The following OPCML variants were observed in gnomAD, a reference collection of about 807,000 sequenced individuals.
OPCML encodes opioid-binding protein/cell adhesion molecule.
OPCML carries 13 observed loss-of-function variants against 37.8 expected under a neutral mutation model. The ratio of observed to expected loss-of-function variants is 0.34; its 90% CI spans 0.22 to 0.55. The LOEUF (loss-of-function observed/expected upper bound fraction) is 0.55, where lower values mean the gene tolerates loss of function less well. Ranked by LOEUF, OPCML falls within the 20% of genes least tolerant of loss-of-function variation. The probability of loss-of-function intolerance (pLI) is 0.91; values close to 1 mark genes in which losing one functional copy is unlikely to be tolerated. For missense variants in OPCML, 341 were observed against 435.6 expected (o/e 0.78, Z 1.93); for synonymous variants, 176 against 168.8 (o/e 1.04, Z -0.33).
chr11:133,304,587 G>C (rs906760066), intron 1 of OPCML, among the ~76,000 whole-genome samples: 1 of 152,164 alleles, frequency 6.6e-6, no homozygotes, highest in Non-Finnish European at 1.5e-5. Context: ...AAGTGCTAAG[G>C]TTACAGACAC....
At chr11:133,297,564 G>GTA (rs1942661738) in intron 1 of OPCML, 1 of 152,204 alleles carries the variant, frequency 6.6e-6, no homozygotes, top group African/African-American at 2.4e-5. Flanking sequence ...TGGAGGTTCT[G>GTA]TAGCTATGTG....
chr11:133,455,301 T>C (rs1195667423), intron 1 of OPCML, among the ~76,000 whole-genome samples: 1 of 152,244 alleles, frequency 6.6e-6, no homozygotes, highest in Non-Finnish European at 1.5e-5. Flanking sequence ...TGTTAATTCT[T>C]TTATTCTTTA....
intron 1 of OPCML, among the ~76,000 whole-genome samples, chr11:133,134,300 G>A (rs564853600): frequency 3.8e-4 from 58 of 152,218 alleles, no homozygotes; most frequent in South Asian, 1.9e-3. Context: ...CTAGGGAAAG[G>A]TGCTCCGAGT....
intron 2 of OPCML, among the ~76,000 whole-genome samples, chr11:132,933,976 G>A (rs1329604577): frequency 6.6e-5 from 10 of 152,098 alleles, no homozygotes; most frequent in Non-Finnish European, 1.5e-4. Context: ...TCCATCACAG[G>A]AGGTTCCAAA....
chr11:133,504,609 G>A (rs1947987723), intron 1 of OPCML, among the ~76,000 whole-genome samples: 1 of 152,190 alleles, frequency 6.6e-6, no homozygotes, highest in Non-Finnish European at 1.5e-5. Flanking sequence ...AGCCACGGGA[G>A]CCCCCAGCTT....
chr11:133,276,887 T>A (rs1942011252), intron 1 of OPCML, among the ~76,000 whole-genome samples: 1 of 152,222 alleles, frequency 6.6e-6, no homozygotes, highest in African/African-American at 2.4e-5. Flanking sequence ...TCCATTTCAA[T>A]GGCCTCACTT....
intron 1 of OPCML, among the ~76,000 whole-genome samples, chr11:133,125,663 TATATA>T (rs1277739084): frequency 1.0e-5 from 1 of 99,978 alleles, no homozygotes; most frequent in African/African-American, 3.1e-5. Context: ...TATATACATG[TATATA>T]GTATAGTATA....
chr11:133,530,508 C>T (rs574851286), intron 1 of OPCML, among the ~76,000 whole-genome samples: 3 of 152,316 alleles, frequency 2.0e-5, no homozygotes, highest in South Asian at 4.1e-4. Flanking sequence ...GACTTGCCTA[C>T]GCAGGAAAGT....
At chr11:132,963,601 A>C (rs940066053) in intron 1 of OPCML, among the ~76,000 whole-genome samples, 2 of 151,776 alleles carry the variant, frequency 1.3e-5, no homozygotes, top group Non-Finnish European at 1.5e-5. Context: ...AAAAAAAAAA[A>C]AAAAAACTGT....
At chr11:133,300,183 G>A (rs1178679893) in intron 1 of OPCML, 2 of 152,296 alleles carry the variant, frequency 1.3e-5, no homozygotes, top group Admixed American at 6.5e-5. Flanking sequence ...GAAGGATCAT[G>A]GAGGTGTAAA....
At chr11:132,919,869 T>C (rs556728618) in intron 2 of OPCML, among the ~76,000 whole-genome samples, 5 of 152,282 alleles carry the variant, frequency 3.3e-5, no homozygotes, top group African/African-American at 1.2e-4. Flanking sequence ...AAAGAATGGA[T>C]AAATAAAAGA....
intron 1 of OPCML, chr11:133,003,969 A>C (rs1947058570): frequency 1.0e-6 from 1 of 985,288 alleles, no homozygotes; most frequent in South Asian, 4.7e-5. Context: ...TGGGCAGCAG[A>C]TCCCTCGAGA....
intron 1 of OPCML, among the ~76,000 whole-genome samples, chr11:133,404,114 C>T (rs753608095): frequency 2.6e-5 from 4 of 152,132 alleles, no homozygotes; most frequent in Non-Finnish European, 5.9e-5. Context: ...CTTGCAGACA[C>T]ATGGCTCCAA....
At chr11:132,863,695 A>G (rs1404747850) in intron 2 of OPCML, among the ~76,000 whole-genome samples, 2 of 152,038 alleles carry the variant, frequency 1.3e-5, no homozygotes, top group Admixed American at 6.5e-5. Context: ...AAATCATCCA[A>G]TTTGCCTTGT....
chr11:133,216,041 C>G (rs543561342), intron 1 of OPCML, among the ~76,000 whole-genome samples: 7 of 152,234 alleles, frequency 4.6e-5, no homozygotes, highest in South Asian at 2.1e-4. Flanking sequence ...CACAGCACAG[C>G]ACACTCAGAG....
chr11:132,909,212 T>C (rs1472001497), intron 2 of OPCML, among the ~76,000 whole-genome samples: 1 of 151,894 alleles, frequency 6.6e-6, no homozygotes, highest in Non-Finnish European at 1.5e-5. Flanking sequence ...TTCTCACACA[T>C]CCACACTTTA....
At chr11:133,290,050 G>T (rs1942433709) in intron 1 of OPCML, among the ~76,000 whole-genome samples, 1 of 152,148 alleles carries the variant, frequency 6.6e-6, no homozygotes, top group Admixed American at 6.5e-5. Flanking sequence ...TTCCTTCCTA[G>T]CCCACTAAGA....
At chr11:133,006,038 A>T in intron 1 of OPCML, 1 of 985,150 alleles carries the variant, frequency 1.0e-6, no homozygotes. Context: ...CTTCGTAGGG[A>T]GAGCCATCCT....
At chr11:132,500,097 C>T (rs542778788) in intron 4 of OPCML, among the ~76,000 whole-genome samples, 102 of 152,280 alleles carry the variant, frequency 6.7e-4, no homozygotes, top group African/African-American at 2.4e-3. Context: ...GTAAGTCTAA[C>T]AGTGTGAAAA....
Sources: gnomAD v4.1 joint callset for allele counts (sites outside exome capture counted in the v4.1 genomes callset) on GRCh38, gnomAD v4.1.1 for gene constraint, MANE v1.5 for transcripts, NCBI Gene and HGNC (gene_info 2026-07-23, HGNC 2026-07-21) for gene names.